Variants in GRIK4 observed in about 807,000 individuals in gnomAD.
GRIK4 encodes the protein glutamate ionotropic receptor kainate type subunit 4, also known as glutamate receptor ionotropic, kainate 4.
Under a neutral mutation model 104.9 loss-of-function variants are expected in GRIK4, and 40 were observed. That is an observed-to-expected ratio of 0.38 (90% CI 0.30 to 0.50). GRIK4 has a LOEUF of 0.50. Ranked by LOEUF, GRIK4 falls within the 20% of genes least tolerant of loss-of-function variation. GRIK4 has a pLI of 0.93. For missense variants in GRIK4, 1,047 were observed against 1,308.1 expected (o/e 0.80, Z 3.08); for synonymous variants, 485 against 524.9 (o/e 0.92, Z 1.04).
intron 15 of GRIK4, among the ~76,000 whole-genome samples, chr11:120,954,886 T>C (rs1944105536): frequency 6.6e-6 from 1 of 150,532 alleles, no homozygotes; most frequent in African/African-American, 2.5e-5. Context: ...TCAAACATGG[T>C]TCTATGGACT....
At chr11:120,646,312 G>A (rs1949541819) in intron 1 of GRIK4, among the ~76,000 whole-genome samples, 1 of 152,222 alleles carries the variant, frequency 6.6e-6, no homozygotes, top group Admixed American at 6.5e-5. Context: ...TGTGAATGGG[G>A]AAACTGAGGT....
At chr11:120,800,285 C>T (rs1291812152) in intron 3 of GRIK4, among the ~76,000 whole-genome samples, 1 of 152,178 alleles carries the variant, frequency 6.6e-6, no homozygotes, top group East Asian at 1.9e-4. Context: ...CAGGCAGCCT[C>T]CCCTCCACTT....
chr11:120,827,435 T>TGGCA (rs143321553), intron 6 of GRIK4, among the ~76,000 whole-genome samples: 9 of 151,976 alleles, frequency 5.9e-5, no homozygotes, highest in South Asian at 4.2e-4. Context: ...GCCTTAGACT[T>TGGCA]GGCAGGCAGG....
At chr11:120,887,288 G>A (rs1298982571) in intron 11 of GRIK4, among the ~76,000 whole-genome samples, 1 of 152,112 alleles carries the variant, frequency 6.6e-6, no homozygotes, top group African/African-American at 2.4e-5. Flanking sequence ...AGTGCTGCCC[G>A]TGGCCTCCTA....
intron 14 of GRIK4, among the ~76,000 whole-genome samples, chr11:120,951,671 T>C (rs891944561): frequency 6.6e-6 from 1 of 152,146 alleles, no homozygotes; most frequent in Admixed American, 6.5e-5. Flanking sequence ...AGTGGTTTTA[T>C]AGTAAATGAA....
At chr11:120,951,655 T>G (rs1591322552) in intron 14 of GRIK4, among the ~76,000 whole-genome samples, 1 of 152,204 alleles carries the variant, frequency 6.6e-6, no homozygotes, top group East Asian at 1.9e-4. Flanking sequence ...AGGGTGCATC[T>G]AGTCCAGTGG....
intron 1 of GRIK4, among the ~76,000 whole-genome samples, chr11:120,648,499 A>AG (rs1455982583): frequency 8.5e-5 from 13 of 152,104 alleles, no homozygotes; most frequent in African/African-American, 3.1e-4. Context: ...CCAGCTGTGG[A>AG]GGGGGTGATC....
intron 13 of GRIK4, among the ~76,000 whole-genome samples, chr11:120,928,995 G>T (rs918304637): frequency 2.7e-5 from 4 of 147,628 alleles, no homozygotes; most frequent in Non-Finnish European, 3.0e-5. Context: ...GTGTGCGCGC[G>T]TGCACGCGTG....
intron 13 of GRIK4, among the ~76,000 whole-genome samples, chr11:120,933,855 A>G (rs768503334): frequency 1.3e-5 from 2 of 152,076 alleles, no homozygotes; most frequent in Non-Finnish European, 2.9e-5. Context: ...TCCCATTAGC[A>G]TGGCTGTATG....
intron 1 of GRIK4, among the ~76,000 whole-genome samples, chr11:120,538,769 C>T (rs1948003688): frequency 6.6e-6 from 1 of 152,178 alleles, no homozygotes; most frequent in Non-Finnish European, 1.5e-5. Flanking sequence ...TCTGCATTGG[C>T]AAACCAATGC....
chr11:120,561,933 C>A (rs1948243306), intron 1 of GRIK4, among the ~76,000 whole-genome samples: 2 of 152,192 alleles, frequency 1.3e-5, no homozygotes, highest in African/African-American at 4.8e-5. Context: ...CCAAATAAGG[C>A]AAAGAATATC....
intron 1 of GRIK4, among the ~76,000 whole-genome samples, chr11:120,601,979 G>A (rs980742019): frequency 1.3e-5 from 2 of 152,052 alleles, no homozygotes; most frequent in African/African-American, 2.4e-5. Context: ...ACTCCTACAG[G>A]TCTGGAGGAT....
At chr11:120,523,606 G>A (rs989257127) in intron 1 of GRIK4, among the ~76,000 whole-genome samples, 3 of 152,206 alleles carry the variant, frequency 2.0e-5, no homozygotes, top group Non-Finnish European at 4.4e-5. Flanking sequence ...CATTGGACAA[G>A]GGAAAACACA....
At chr11:120,598,364 T>C (rs1255874954) in intron 1 of GRIK4, among the ~76,000 whole-genome samples, 1 of 152,116 alleles carries the variant, frequency 6.6e-6, no homozygotes, top group Admixed American at 6.5e-5. Flanking sequence ...AGCAGAACGG[T>C]GGTTTGAATT....
At chr11:120,796,035 AT>A (rs34803231) in intron 3 of GRIK4, among the ~76,000 whole-genome samples, 8,764 of 125,222 alleles carry the variant, frequency 0.07, 266 homozygotes, top group Middle Eastern at 0.11. Flanking sequence ...TTTTTCCTGA[AT>A]TTTTTTTTTT....
chr11:120,531,275 G>T (rs1947920837), intron 1 of GRIK4, among the ~76,000 whole-genome samples: 1 of 152,242 alleles, frequency 6.6e-6, no homozygotes, highest in Admixed American at 6.5e-5. Context: ...GAAACTCAGA[G>T]CTTGTTGTGC....
chr11:120,660,955 A>G (rs563028973), intron 3 of GRIK4, among the ~76,000 whole-genome samples: 1 of 152,200 alleles, frequency 6.6e-6, no homozygotes, highest in Non-Finnish European at 1.5e-5. Flanking sequence ...TGGGACGCCC[A>G]CTTTAGGTGT....
chr11:120,512,714 G>A (rs1023568373), intron 1 of GRIK4, among the ~76,000 whole-genome samples: 8 of 152,164 alleles, frequency 5.3e-5, no homozygotes, highest in African/African-American at 1.9e-4. Flanking sequence ...TGTGCGCTCC[G>A]ACCTGGCTGG....
At chr11:120,921,171 T>G (rs1425014405) in intron 13 of GRIK4, among the ~76,000 whole-genome samples, 1 of 152,206 alleles carries the variant, frequency 6.6e-6, no homozygotes, top group Non-Finnish European at 1.5e-5. Context: ...TTTATGATCT[T>G]CAAAGAAATT....
Sources: allele counts gnomAD v4.1 joint callset (sites outside exome capture counted in the v4.1 genomes callset), GRCh38; gene constraint gnomAD v4.1.1; transcripts MANE v1.5; gene names NCBI Gene and HGNC (gene_info 2026-07-23, HGNC 2026-07-21).